The following TMEM87A variants were observed in gnomAD, a reference collection of about 807,000 sequenced individuals.
TMEM87A encodes transmembrane protein 87A.
TMEM87A carries 50 observed loss-of-function variants against 90.0 expected under a neutral mutation model. That is an observed-to-expected ratio of 0.56 (90% CI 0.44 to 0.70). The LOEUF (loss-of-function observed/expected upper bound fraction) is 0.70, where lower values mean the gene tolerates loss of function less well. Among genes scored for constraint, TMEM87A ranks in the 30% least tolerant of loss-of-function variants. The pLI is 0.00. For synonymous variants in TMEM87A, 226 were observed against 226.7 expected (o/e 1.00, Z 0.03); for missense variants, 577 against 660.5 (o/e 0.87, Z 1.39).
At chr15:42,261,296 G>T (rs976057251) in intron 4 of TMEM87A, 47 bp from the exon 5 acceptor site, 1 of 1,534,626 alleles carries the variant, frequency 6.5e-7, no homozygotes, top group Non-Finnish European at 8.9e-7. Context: ...GTAAATACTA[G>T]AAGAAAAGTG....
chr15:42,211,899 A>G, intron 19 of TMEM87A, 150 bp from the exon 20 acceptor site: 1 of 750,616 alleles, frequency 1.3e-6, no homozygotes, highest in South Asian at 1.9e-5. Flanking sequence ...ATTTGTGAAG[A>G]TTTTGAACAT....
At chr15:42,213,587 A>G (rs999933652) in intron 19 of TMEM87A, among the ~76,000 whole-genome samples, 10 of 152,244 alleles carry the variant, frequency 6.6e-5, no homozygotes, top group African/African-American at 1.9e-4. Flanking sequence ...CAGGAGACCC[A>G]TGATACAGCA....
At chr15:42,248,340 A>T (rs902259985) in intron 6 of TMEM87A, among the ~76,000 whole-genome samples, 9 of 152,182 alleles carry the variant, frequency 5.9e-5, no homozygotes, top group Admixed American at 5.2e-4. Context: ...GTAGTGAGAG[A>T]GGACATCCCT....
At chr15:42,248,378 CT>C (rs572891382) in intron 6 of TMEM87A, among the ~76,000 whole-genome samples, 129 of 152,270 alleles carry the variant, frequency 8.5e-4, no homozygotes, top group South Asian at 4.8e-3. Context: ...AAAGGGAATG[CT>C]TCCAGTTTTT....
In TMEM87A at chr15:42,217,839, A is replaced by AAG. The variant is rs780358896; in HGVS notation, c.1596-8_1596-7dup. 9 of 1,612,286 alleles carry AAG rather than the reference A, an allele frequency of 5.6e-6. No individual in the cohort carries two copies. The highest frequency in any genetic ancestry group is 3.4e-5 in the Admixed American group (2 of 59,512). On this transcript the variant is annotated splice_polypyrimidine_tract_variant and splice_region_variant and intron_variant, in intron 18 of 19. Coordinates refer to ENST00000389834, the MANE Select transcript of TMEM87A (RefSeq NM_015497.5). Reference sequence around the variant, plus strand: ...CCAGAAGGGCTGGAAGTGCTCTGCAAAGAGAGAGAAATACTAAATTGAACA... The same window carrying AAG: ...CCAGAAGGGCTGGAAGTGCTCTGCAAAGAGAGAGAGAAATACTAAATTGAACA...
chr15:42,244,029 T>TAAA, intron 7 of TMEM87A, 21 bp downstream of exon 7: 30 of 1,251,776 alleles, frequency 2.4e-5, no homozygotes, highest in Admixed American at 1.0e-4. Flanking sequence ...ACATAACCAT[T>TAAA]AAAAAAAAAA....
chr15:42,241,462 T>C (rs998404772), intron 7 of TMEM87A, among the ~76,000 whole-genome samples: 3 of 152,174 alleles, frequency 2.0e-5, no homozygotes, highest in Admixed American at 6.5e-5. Context: ...AGAACAAATA[T>C]AGTCTGAGAC....
chr15:42,250,640 C>A (rs1243565124), intron 6 of TMEM87A, among the ~76,000 whole-genome samples: 1 of 152,198 alleles, frequency 6.6e-6, no homozygotes, highest in African/African-American at 2.4e-5. Flanking sequence ...TTGTGGGTAA[C>A]CCGACCTTTC....
chr15:42,264,612 T>C (rs2051361078), intron 3 of TMEM87A, among the ~76,000 whole-genome samples: 1 of 150,054 alleles, frequency 6.7e-6, no homozygotes, highest in African/African-American at 2.4e-5. Context: ...TTCTTAAAAA[T>C]GCAAATTGAG....
intron 19 of TMEM87A, among the ~76,000 whole-genome samples, chr15:42,213,902 G>C (rs530116354): frequency 1.3e-5 from 2 of 152,232 alleles, no homozygotes; most frequent in African/African-American, 4.8e-5. Flanking sequence ...CAACCCCAGT[G>C]AAACAGAGGT....
intron 10 of TMEM87A, among the ~76,000 whole-genome samples, chr15:42,234,542 C>T (rs540334186): frequency 3.9e-4 from 59 of 152,236 alleles, no homozygotes; most frequent in South Asian, 3.5e-3. Context: ...TAAAATTCCC[C>T]ATATCTCTAA....
At chr15:42,220,009 C>T (rs2050446469) in intron 16 of TMEM87A, 53 bp downstream of exon 16, 9 of 1,459,856 alleles carry the variant, frequency 6.2e-6, no homozygotes, top group African/African-American at 1.4e-5. Context: ...AAACAATGTA[C>T]TTACAGAAAA....
At position 42,228,722 on chromosome 15, in the gene TMEM87A, C is replaced by T; in HGVS notation, c.1230G>A (p.Leu410=). The part of the protein sequence containing the change: ...LYRHFTNTLI[L]AVAASIVFII... ...AAGTCCCAGACTTACCTGCCACTGC[C>T]AAAATAAGCGTGTTGGTGAAATGCC... Residue 410 remains leucine (L), a synonymous_variant, in exon 13 of 20, where the codon TTG becomes TTA. Coordinates refer to ENST00000389834, the MANE Select transcript of TMEM87A (RefSeq NM_015497.5). 6.2e-7 allele frequency: 1 copy of T among 1,613,786 alleles called. No homozygotes were observed.
At chr15:42,237,669 T>A (rs2050797801) in intron 8 of TMEM87A, 54 bp from the exon 9 acceptor site, 1 of 1,410,970 alleles carries the variant, frequency 7.1e-7, no homozygotes, top group Non-Finnish European at 9.4e-7. Context: ...AAGAGCCAAG[T>A]CTGTAGATTT....
intron 7 of TMEM87A, among the ~76,000 whole-genome samples, chr15:42,242,977 T>G (rs1203913244): frequency 2.6e-5 from 4 of 151,608 alleles, no homozygotes; most frequent in African/African-American, 9.7e-5. Flanking sequence ...GAAAGCAGGG[T>G]AGGAAAGGGC....
chr15:42,243,670 C>A (rs943087289), intron 7 of TMEM87A, among the ~76,000 whole-genome samples: 1 of 151,810 alleles, frequency 6.6e-6, no homozygotes, highest in African/African-American at 2.4e-5. Flanking sequence ...CAGGCATGTG[C>A]CACCACACCG....
intron 3 of TMEM87A, among the ~76,000 whole-genome samples, chr15:42,266,101 T>C (rs868079073): frequency 3.3e-5 from 5 of 152,234 alleles, no homozygotes; most frequent in Admixed American, 1.3e-4. Flanking sequence ...AGCCCTGTAG[T>C]ACAGTTTGAA....
At chr15:42,243,967 T>C (rs1234690671) in intron 7 of TMEM87A, 83 bp downstream of exon 7, 3 of 779,418 alleles carry the variant, frequency 3.8e-6, no homozygotes, top group African/African-American at 3.6e-5. Context: ...ATACCTGTAA[T>C]ACCTAATAAA....
Position 42,239,673 on chromosome 15 carries a change from C to A in TMEM87A, c.681G>T (p.Met227Ile). Reference protein sequence around the residue: ...EYLTLEDYPLMIFFMVMCIVY... With the variant: ...EYLTLEDYPLIIFFMVMCIVY... ...TAAATAATATAAAGTCACTTACAAT[C>A]ATCAAGGGATAGTCTTCAAGTGTGA... is the stretch of plus-strand genomic sequence containing the variant. The change falls in exon 8 of 20, where the codon ATG (methionine) becomes ATT (isoleucine). Residue 227 changes from methionine to isoleucine, a missense_variant. Physicochemically the swap from Met to Ile is conservative, Grantham distance 10. Transcript: ENST00000389834. The A allele has an allele frequency of 1.9e-6, 3 of 1,613,390 alleles. No individual in the cohort carries two copies. The highest frequency in any genetic ancestry group is 4.5e-5 in the East Asian group (2 of 44,864).
Sources: gnomAD v4.1 joint callset for allele counts (sites outside exome capture counted in the v4.1 genomes callset) on GRCh38, gnomAD v4.1.1 for gene constraint, MANE v1.5 for transcripts, NCBI Gene and HGNC (gene_info 2026-07-23, HGNC 2026-07-21) for gene names.